CTH: variants seen among roughly 807,000 people sequenced by gnomAD.
CTH encodes the protein cystathionine gamma-lyase, also known as cystathionase (cystathionine gamma-lyase).
CTH carries 41 observed loss-of-function variants against 50.6 expected under a neutral mutation model. The observed-to-expected ratio is 0.81, with a 90% CI of 0.63 to 1.05. The LOEUF (loss-of-function observed/expected upper bound fraction) is 1.05. CTH is among the 50% of genes least tolerant of loss of function. The probability of loss-of-function intolerance (pLI) is 0.00; values close to 1 mark genes in which losing one functional copy is unlikely to be tolerated. For synonymous variants in CTH, 156 were observed against 168.9 expected (o/e 0.92, Z 0.59); for missense variants, 470 against 492.6 (o/e 0.95, Z 0.43).
chr1:70,424,671 G>A (rs1201405727), intron 5 of CTH, among the ~76,000 whole-genome samples: 7 of 152,184 alleles, frequency 4.6e-5, no homozygotes. Flanking sequence ...GGCTGTGCGT[G>A]GTGGCTCACG....
rs1185494703 is a variant in CTH at position 70,435,120 on chromosome 1, T to C, written c.1000-5T>C. The C allele has an allele frequency of 6.2e-7, 1 of 1,611,838 alleles. No homozygotes were observed. Among genetic ancestry groups the C allele is most frequent in the Non-Finnish European group, 8.5e-7 (1 of 1,178,660 alleles). ...AAATCTAAATTCATGTTTTCTTTGC[T>C]ATAGCTATTTACTCTGGCCGAGAGC... On this transcript the variant is annotated splice_polypyrimidine_tract_variant and splice_region_variant and intron_variant, in intron 9 of 11. Transcript: ENST00000370938.
intron 7 of CTH, chr1:70,431,262 T>A (rs1389980001): frequency 6.6e-6 from 1 of 152,198 alleles, no homozygotes; most frequent in African/African-American, 2.4e-5. Flanking sequence ...TTCATGTCCA[T>A]CTTAATTATA....
In CTH at chr1:70,413,288, G is replaced by A. The variant is rs201906773; in HGVS notation, c.168+1705G>A. 4.1e-5 allele frequency among the ~76,000 whole-genome samples: 6 copies of A among 146,714 alleles called. No individual in the cohort carries two copies. The East Asian group carries it at 8.0e-4, about 19-fold the overall frequency. On this transcript the variant is annotated intron_variant, in intron 1 of 11. Coordinates refer to ENST00000370938, the MANE Select transcript of CTH (RefSeq NM_001902.6). ...TTTTTTTTTTTTTATTTTTCAGAGA[G>A]AGTCTTACTCTGTCACCCAGGCTGG... is the stretch of plus-strand genomic sequence containing the variant.
At position 70,432,254 on chromosome 1, in the gene CTH, T is replaced by C. The variant is rs371658353; in HGVS notation, c.877+19T>C. The C allele has an allele frequency of 2.0e-5, 33 of 1,613,602 alleles. No individual in the cohort carries two copies. Among genetic ancestry groups the C allele is most frequent in the Non-Finnish European group, 2.5e-5 (30 of 1,179,680 alleles). The stretch of plus-strand genomic sequence containing the variant: ...TATCCTGGTATGTTAATTTGATTTC[T>C]AAGCAGATCTACTAGGATTTCAGCA... On this transcript the variant is annotated intron_variant, in intron 8 of 11. Transcript: ENST00000370938.
At chr1:70,425,696 G>A (rs934421962) in intron 5 of CTH, among the ~76,000 whole-genome samples, 1 of 152,152 alleles carries the variant, frequency 6.6e-6, no homozygotes, top group Non-Finnish European at 1.5e-5. Context: ...CACAACACAT[G>A]ACCAGAGTAG....
intron 4 of CTH, 122 bp downstream of exon 4, chr1:70,421,797 A>G (rs1684228104): frequency 2.0e-6 from 2 of 988,308 alleles, no homozygotes; most frequent in East Asian, 2.6e-5. Context: ...CATTGGAAAC[A>G]TCAACAAAAT....
Position 70,435,117 on chromosome 1 carries a change from T to TGCTATA in CTH, c.1000-2_1003dup. The TGCTATA allele has an allele frequency of 6.2e-7, 1 of 1,611,194 alleles. No homozygotes were observed. The highest frequency in any genetic ancestry group is 8.5e-7 in the Non-Finnish European group (1 of 1,178,362). ...AGAAAATCTAAATTCATGTTTTCTTTGCTATAGCTATTTACTCTGGCCGAG... is the reference window on the plus strand; with the variant it reads ...AGAAAATCTAAATTCATGTTTTCTTTGCTATAGCTATAGCTATTTACTCTGGCCGAG... On this transcript the variant is annotated splice_region_variant and splice_polypyrimidine_tract_variant and intron_variant, in intron 9 of 11. Transcript: ENST00000370938.
chr1:70,423,820 G>T (rs891328970), intron 4 of CTH, among the ~76,000 whole-genome samples: 3 of 152,096 alleles, frequency 2.0e-5, no homozygotes, highest in African/African-American at 7.2e-5. Context: ...ATAGTTTCTA[G>T]AGTTTCTGGC....
intron 1 of CTH, among the ~76,000 whole-genome samples, chr1:70,414,287 G>T (rs915876479): frequency 6.6e-6 from 1 of 151,932 alleles, no homozygotes; most frequent in Non-Finnish European, 1.5e-5. Context: ...GCTGAGGCGG[G>T]TGGGTCATGA....
In CTH at chr1:70,432,133, C is replaced by A. The variant is rs1486041627; in HGVS notation, c.775C>A (p.Leu259Met). ...TGATTGTTACCTCTGCAATCGAGGT[C>A]TGAAGACTCTACATGTCCGAATGGA... ...PIDCYLCNRG[L>M]KTLHVRMEKH... The change falls in exon 8 of 12, where the codon CTG (leucine) becomes ATG (methionine). Residue 259 changes from leucine to methionine, a missense_variant. Transcript: ENST00000370938. 1 of 1,614,102 alleles carries A rather than the reference C, an allele frequency of 6.2e-7. No individual in the cohort carries two copies. Among genetic ancestry groups the A allele is most frequent in the Non-Finnish European group, 8.5e-7 (1 of 1,179,998 alleles).
At chr1:70,422,574 G>T (rs1317555377) in intron 4 of CTH, among the ~76,000 whole-genome samples, 1 of 151,142 alleles carries the variant, frequency 6.6e-6, no homozygotes, top group Non-Finnish European at 1.5e-5. Context: ...TATCTTGCTT[G>T]GGAGAAAAGT....
At position 70,415,877 on chromosome 1, in the gene CTH, T is replaced by C. The variant is rs992737558; in HGVS notation, c.169-79T>C. On this transcript the variant is annotated intron_variant, in intron 1 of 11. Coordinates refer to ENST00000370938, the MANE Select transcript of CTH (RefSeq NM_001902.6). ...AGAATAGAAACTAATTATGGTAGGGTGAAACTATAGTTCTCTATGTTAGGA... is the reference window on the plus strand; with the variant it reads ...AGAATAGAAACTAATTATGGTAGGGCGAAACTATAGTTCTCTATGTTAGGA... 8.6e-6 allele frequency: 7 copies of C among 812,170 alleles called. No homozygotes were observed. The African/African-American group carries it at 1.2e-4, about 14-fold the overall frequency. The allele number at this position is 812,170 out of a possible 1,614,324, so 50.3% of individuals were successfully genotyped here. A position where few individuals can be genotyped will look rare whatever the true frequency, so the allele number is the denominator to read the frequency against.
At chr1:70,418,746 T>C (rs1321981869) in intron 3 of CTH, among the ~76,000 whole-genome samples, 1 of 152,174 alleles carries the variant, frequency 6.6e-6, no homozygotes, top group Non-Finnish European at 1.5e-5. Context: ...CATCCCCTTT[T>C]GCTTTTTATT....
intron 10 of CTH, among the ~76,000 whole-genome samples, chr1:70,436,033 G>A (rs749359936): frequency 6.6e-6 from 1 of 151,942 alleles, no homozygotes; most frequent in East Asian, 1.9e-4. Flanking sequence ...AATGATTTTC[G>A]GCCTGGTGCA....
At chr1:70,435,071 T>C in intron 9 of CTH, 54 bp from the exon 10 acceptor site, 1 of 1,520,320 alleles carries the variant, frequency 6.6e-7, no homozygotes, top group Non-Finnish European at 9.0e-7. Flanking sequence ...TATTTTTAGA[T>C]TTTAGTATTT....
At chr1:70,426,057 C>A (rs915162770) in intron 5 of CTH, among the ~76,000 whole-genome samples, 7 of 152,186 alleles carry the variant, frequency 4.6e-5, no homozygotes, top group Admixed American at 2.6e-4. Flanking sequence ...TTAAAGATTT[C>A]TTTCGCTACC....
intron 1 of CTH, among the ~76,000 whole-genome samples, chr1:70,414,096 C>T (rs551002174): frequency 6.6e-6 from 1 of 151,748 alleles, no homozygotes; most frequent in Non-Finnish European, 1.5e-5. Flanking sequence ...ACGGGAGGTA[C>T]CTTTCTGTGG....
intron 10 of CTH, among the ~76,000 whole-genome samples, chr1:70,437,544 T>C (rs186294940): frequency 6.6e-6 from 1 of 152,252 alleles, no homozygotes; most frequent in East Asian, 1.9e-4. Context: ...TAAGGCCACA[T>C]AGGCAGTATG....
At chr1:70,434,872 C>G (rs1684561926) in intron 9 of CTH, 7 of 348,968 alleles carry the variant, frequency 2.0e-5, no homozygotes, top group South Asian at 9.6e-5. Context: ...CCTGCTTCAG[C>G]CTTCCAGGTA....
Sources: allele counts gnomAD v4.1 joint callset (sites outside exome capture counted in the v4.1 genomes callset), GRCh38; gene constraint gnomAD v4.1.1; transcripts MANE v1.5; gene names NCBI Gene and HGNC (gene_info 2026-07-23, HGNC 2026-07-21).